The following ACAN variants were observed in gnomAD, a reference collection of about 807,000 sequenced individuals.
ACAN encodes the protein aggrecan.
In ACAN, 47 loss-of-function variants were observed where a neutral mutation model predicts 169.1. The observed-to-expected ratio is 0.28, with a 90% CI of 0.22 to 0.35. The LOEUF is 0.35. ACAN is among the 10% of genes least tolerant of loss of function. The probability of loss-of-function intolerance (pLI) is 1.00; values close to 1 mark genes in which losing one functional copy is unlikely to be tolerated. For missense variants in ACAN, 2,716 were observed against 2,759.9 expected, an observed-to-expected ratio of 0.98 and a Z score of 0.36; for synonymous variants, 1,115 against 1,112.2, an observed-to-expected ratio of 1.00 and a Z score of -0.05.
At position 88,849,618 on chromosome 15, in the gene ACAN, C is replaced by A. The variant is rs776122536; in HGVS notation, c.1913C>A (p.Thr638Asn). Reference sequence around the variant, plus strand: ...GGCAGCCTCCGCTACCCCATCGTCACCCCAAGGCCTGCCTGCGGTGGGGAC... The same window carrying A: ...GGCAGCCTCCGCTACCCCATCGTCAACCCAAGGCCTGCCTGCGGTGGGGAC... ...ADGSLRYPIV[T>N]PRPACGGDKP... Residue 638 changes from threonine (T) to asparagine (N), a missense_variant, in exon 10 of 19, where the codon ACC becomes AAC. Around this residue, in one of 3 missense-constraint regions of ACAN, gnomAD observed 1,283 missense variants for 1,281.5 expected, o/e 1.00. Coordinates refer to ENST00000560601, the MANE Select transcript of ACAN (RefSeq NM_001369268.1). This position sits in a 1 kb window ranked among gnomAD's most constrained non-coding sequence, Gnocchi z 5.1. 3.1e-6 allele frequency: 5 copies of A among 1,612,272 alleles called. No individual in the cohort carries two copies. In the South Asian group the frequency reaches 5.5e-5, roughly 18 times the overall value.
In ACAN at chr15:88,857,673, C is replaced by T; in HGVS notation, c.5088C>T (p.Pro1696=). Residue 1696 remains proline, a synonymous_variant, in exon 12 of 19, where the codon CCC becomes CCT. Coordinates refer to ENST00000560601, the MANE Select transcript of ACAN (RefSeq NM_001369268.1). ...GTGCAGGAGAAATATCTGGACTGCC[C>T]TCCAGTGAGCTGGACATTAGTGGGA... The part of the protein sequence containing the change: ...ISGAGEISGL[P]SSELDISGRA... 1 of 1,613,996 alleles carries T rather than the reference C, an allele frequency of 6.2e-7. No homozygotes were observed.
At chr15:88,842,622 C>T (rs1387373295) in intron 5 of ACAN, among the ~76,000 whole-genome samples, 7 of 152,172 alleles carry the variant, frequency 4.6e-5, no homozygotes, top group East Asian at 1.9e-4. Flanking sequence ...TTCTCACCAT[C>T]GTAGGCCCCC....
rs1015607075 is a variant in ACAN, at chr15:88,869,262, C to T, written c.7060+933C>T. ...TGGAAGTGTGTAGGGGCTTAAAATC[C>T]TTTTCAATGAACTCTCAAGTTGGAT... On this transcript the variant is annotated intron_variant, in intron 14 of 18. Transcript: ENST00000560601. The surrounding 1 kb of genome is among the most constrained non-coding windows in gnomAD (Gnocchi z 4.2). Among the ~76,000 whole-genome samples, 1 of 152,168 alleles carries T rather than the reference C, an allele frequency of 6.6e-6. No homozygotes were observed. The highest frequency in any genetic ancestry group is 1.5e-5 in the Non-Finnish European group (1 of 68,028).
At chr15:88,852,262 A>AT (rs967524269) in intron 11 of ACAN, among the ~76,000 whole-genome samples, 2 of 152,140 alleles carry the variant, frequency 1.3e-5, no homozygotes, top group Non-Finnish European at 2.9e-5. Context: ...TTTATTACAC[A>AT]TTTACTTTTC....
rs1290219722 is a variant in ACAN at position 88,868,273 on chromosome 15, T to C, written c.7004T>C (p.Ile2335Thr). Reference protein sequence around the residue: ...CLNGATCVDAIDSFTCLCLPS... With the variant: ...CLNGATCVDATDSFTCLCLPS... The stretch of plus-strand genomic sequence containing the variant: ...AATGGAGCCACCTGCGTGGATGCCA[T>C]CGACTCTTTCACATGCTTATGCCTT... Residue 2335 changes from isoleucine to threonine, a missense_variant, in exon 14 of 19, where the codon ATC becomes ACC. Physicochemically the swap from Ile to Thr is moderately conservative, Grantham distance 89. Coordinates refer to ENST00000560601, the MANE Select transcript of ACAN (RefSeq NM_001369268.1). The surrounding 1 kb of genome is among the most constrained non-coding windows in gnomAD (Gnocchi z 5.2). 2.8e-6 allele frequency: 2 copies of C among 702,672 alleles called. No homozygotes were observed. Among genetic ancestry groups the C allele is most frequent in the Non-Finnish European group, 5.2e-6 (2 of 384,840 alleles). The allele number at this position is 702,672 out of a possible 1,614,324, so 43.5% of individuals were successfully genotyped here.
At chr15:88,813,348 A>C (rs960218303) in intron 1 of ACAN, among the ~76,000 whole-genome samples, 3 of 152,216 alleles carry the variant, frequency 2.0e-5, no homozygotes, top group African/African-American at 7.2e-5. Flanking sequence ...GATATGTTGC[A>C]CTCTGCTCTT....
At position 88,857,606 on chromosome 15, in the gene ACAN, C is replaced by T. The variant is rs1488231630; in HGVS notation, c.5021C>T (p.Thr1674Ile). 6.2e-7 allele frequency: 1 copy of T among 1,613,806 alleles called. No homozygotes were observed. The highest frequency in any genetic ancestry group is 1.3e-5 in the African/African-American group (1 of 74,902). ...STLVEVVTAS[T>I]ASELEGRGTI... Reference sequence around the variant, plus strand: ...TTGGTGGAAGTGGTCACAGCCTCCACTGCAAGTGAACTGGAAGGGAGGGGA... The same window carrying T: ...TTGGTGGAAGTGGTCACAGCCTCCATTGCAAGTGAACTGGAAGGGAGGGGA... The change falls in exon 12 of 19, where the codon ACT (threonine) becomes ATT (isoleucine). Residue 1674 changes from threonine (T) to isoleucine (I), a missense_variant. By Grantham distance (89) the Thr-to-Ile change is moderately conservative (BLOSUM62 -1). Coordinates refer to ENST00000560601, the MANE Select transcript of ACAN (RefSeq NM_001369268.1).
Position 88,857,171 on chromosome 15 carries a change from C to G in ACAN, c.4586C>G (p.Pro1529Arg). 1 of 1,613,504 alleles carries G rather than the reference C, an allele frequency of 6.2e-7. No homozygotes were observed. Among genetic ancestry groups the G allele is most frequent in the Non-Finnish European group, 8.5e-7 (1 of 1,179,772 alleles). The change falls in exon 12 of 19, where the codon CCT becomes CGT. Residue 1529 changes from proline (P) to arginine (R), a missense_variant. Physicochemically the swap from Pro to Arg is moderately radical, Grantham distance 103 (BLOSUM62 -2). Around this residue, in one of 3 missense-constraint regions of ACAN, gnomAD observed 1,389 missense variants for 1,363.7 expected, o/e 1.02. Coordinates refer to ENST00000560601, the MANE Select transcript of ACAN (RefSeq NM_001369268.1). The stretch of plus-strand genomic sequence containing the variant: ...GGAGTAGAGGACCTCAGCAGGCTCC[C>G]TTCTGGAGAAGAAGTTCTAGAGATT... ...ASGVEDLSRL[P>R]SGEEVLEISA...
chr15:88,830,186 T>C (rs1896324457), intron 1 of ACAN, among the ~76,000 whole-genome samples: 1 of 152,166 alleles, frequency 6.6e-6, no homozygotes, highest in Non-Finnish European at 1.5e-5. Flanking sequence ...AAACTGGCCT[T>C]GGTTTTAGGG....
intron 1 of ACAN, among the ~76,000 whole-genome samples, chr15:88,828,303 G>A (rs573054680): frequency 9.6e-4 from 146 of 152,286 alleles, no homozygotes; most frequent in Non-Finnish European, 1.8e-3. Context: ...ACTGCCAGGG[G>A]ATAAGACCCA....
intron 1 of ACAN, among the ~76,000 whole-genome samples, chr15:88,826,374 CTTTTTTTTT>C (rs59069149): frequency 9.0e-6 from 1 of 111,588 alleles, no homozygotes; most frequent in African/African-American, 3.5e-5. Context: ...CCTTTTTTTT[CTTTTTTTTT>C]TTTTTTTTTT....
chr15:88,844,730 TTA>T, intron 6 of ACAN, among the ~76,000 whole-genome samples: 1 of 152,260 alleles, frequency 6.6e-6, no homozygotes, highest in South Asian at 2.1e-4. Context: ...TTTTGAAAAA[TTA>T]GACCAAAATG....
chr15:88,839,995 G>T lies in ACAN; in HGVS notation c.455-17G>T. On this transcript the variant is annotated splice_polypyrimidine_tract_variant and intron_variant, in intron 3 of 18. Coordinates refer to ENST00000560601, the MANE Select transcript of ACAN (RefSeq NM_001369268.1). This position sits in a 1 kb window ranked among gnomAD's most constrained non-coding sequence, Gnocchi z 4.5. ...CTGACCAGCTCTTCCGCTTGTGGGC[G>T]TGTATGTGTCTTGCAGGCATCGTGT... 2.5e-6 allele frequency: 4 copies of T among 1,589,678 alleles called. No individual in the cohort carries two copies. Among genetic ancestry groups the T allele is most frequent in the Non-Finnish European group, 3.4e-6 (4 of 1,166,896 alleles).
At chr15:88,829,993 GA>G (rs1896319417) in intron 1 of ACAN, among the ~76,000 whole-genome samples, 1 of 151,152 alleles carries the variant, frequency 6.6e-6, no homozygotes, top group South Asian at 2.1e-4. Flanking sequence ...TAGCTGGGGG[GA>G]ATACAACCCA....
chr15:88,845,450 C>T, intron 6 of ACAN, 55 bp from the exon 7 acceptor site: 1 of 1,542,974 alleles, frequency 6.5e-7, no homozygotes, highest in Non-Finnish European at 8.8e-7. Context: ...CTCCTCATCC[C>T]CCTCAAGCCG....
rs1044441746 is a variant in ACAN, at chr15:88,843,552, G to A, written c.955G>A (p.Gly319Ser). 4 of 1,612,522 alleles carry A rather than the reference G, an allele frequency of 2.5e-6. No individual in the cohort carries two copies. Among genetic ancestry groups the A allele is most frequent in the East Asian group, 2.2e-5 (1 of 44,880 alleles). ...CATCTCCAAGGCCCGGCCCAACTGC[G>A]GTGGCAACCTCCTGGGCGTGAGGAC... ...YPISKARPNC[G>S]GNLLGVRTVY... is the part of the protein sequence containing the mutation. Residue 319 changes from glycine to serine, a missense_variant, in exon 6 of 19, where the codon GGT becomes AGT. By Grantham distance (56) the Gly-to-Ser change is moderately conservative. Coordinates refer to ENST00000560601, the MANE Select transcript of ACAN (RefSeq NM_001369268.1). This position sits in a 1 kb window ranked among gnomAD's most constrained non-coding sequence, Gnocchi z 4.0.
intron 1 of ACAN, among the ~76,000 whole-genome samples, chr15:88,811,918 C>T (rs1244991969): frequency 1.3e-5 from 2 of 151,882 alleles, no homozygotes; most frequent in Admixed American, 6.6e-5. Flanking sequence ...TCTCCCCCAT[C>T]CCCCTAAAGC....
At position 88,855,079 on chromosome 15, in the gene ACAN, T is replaced by A. The variant is rs747735799; in HGVS notation, c.2494T>A (p.Ser832Thr). 1.3e-6 allele frequency: 2 copies of A among 1,587,034 alleles called. No individual in the cohort carries two copies. Among genetic ancestry groups the A allele is most frequent in the South Asian group, 1.2e-5 (1 of 85,398 alleles). ...ATTCCCCTCCAAGGAGCCATCCCCC[T>A]CAGAGGAACCATCAGCCTCGGAAGA... Reference protein sequence around the residue: ...EPFPSKEPSPSEEPSASEEPY... With the variant: ...EPFPSKEPSPTEEPSASEEPY... Residue 832 changes from serine (S) to threonine (T), a missense_variant, in exon 12 of 19, where the codon TCA (serine) becomes ACA (threonine). Coordinates refer to ENST00000560601, the MANE Select transcript of ACAN (RefSeq NM_001369268.1).
rs191467935 is a variant in ACAN at position 88,831,868 on chromosome 15, G to A, written c.-7-4332G>A. Among the ~76,000 whole-genome samples the A allele has an allele frequency of 2.1e-4, 32 of 152,308 alleles. No homozygotes were observed. In the East Asian group the frequency reaches 6.0e-3, roughly 28 times the overall value. ...ACAGGAGGAAGCGTTGGTTGGAGGG[G>A]CCAGGAATGTCTCCATGGAGGAACA... is the stretch of plus-strand genomic sequence containing the variant. On this transcript the variant is annotated intron_variant, in intron 1 of 18. Coordinates refer to ENST00000560601, the MANE Select transcript of ACAN (RefSeq NM_001369268.1).
Sources: gnomAD v4.1 joint callset for allele counts (sites outside exome capture counted in the v4.1 genomes callset) on GRCh38, gnomAD v4.1.1 for gene constraint, gnomAD v4.1.1 regional missense constraint, Gnocchi (gnomAD v3.1) non-coding constraint, MANE v1.5 for transcripts, NCBI Gene and HGNC (gene_info 2026-07-23, HGNC 2026-07-21) for gene names.